Variants in SH3KBP1 observed in about 807,000 individuals in gnomAD.
SH3KBP1 encodes the protein SH3 domain containing kinase binding protein 1.
In SH3KBP1, 8 loss-of-function variants were observed where a neutral mutation model predicts 50.1. That is an observed-to-expected ratio of 0.16 (90% confidence interval 0.09 to 0.29). The LOEUF is 0.29. Ranked by LOEUF, SH3KBP1 falls within the 10% of genes least tolerant of loss-of-function variation. The probability of loss-of-function intolerance (pLI) is 1.00; values close to 1 mark genes in which losing one functional copy is unlikely to be tolerated. For synonymous variants in SH3KBP1, 227 were observed against 218.6 expected, an observed-to-expected ratio of 1.04 and a Z score of -0.34; for missense variants, 377 against 535.2, an observed-to-expected ratio of 0.70 and a Z score of 2.92.
At chrX:19,641,966 A>C (rs1006143391) in intron 7 of SH3KBP1, among the ~76,000 whole-genome samples, 2 of 110,824 alleles carry the variant, frequency 1.8e-5, no homozygotes, top group African/African-American at 3.3e-5. Context: ...TCAGCCTCCC[A>C]AGGAGCTGGG....
chrX:19,788,215 G>A (rs1305575207), intron 2 of SH3KBP1, among the ~76,000 whole-genome samples: 6 of 95,101 alleles, frequency 6.3e-5, no homozygotes, highest in Admixed American at 2.5e-4. Flanking sequence ...GCTGCAGTGA[G>A]CCATAATCGT....
chrX:19,570,422 C>T (rs1397365629), intron 12 of SH3KBP1, among the ~76,000 whole-genome samples: 1 of 111,697 alleles, frequency 9.0e-6, no homozygotes. Flanking sequence ...GGCCAAGTCC[C>T]CCGGGACCAA....
chrX:19,629,540 T>G (rs2061530839), intron 8 of SH3KBP1, among the ~76,000 whole-genome samples: 1 of 110,626 alleles, frequency 9.0e-6, no homozygotes, highest in Non-Finnish European at 1.9e-5. Flanking sequence ...GAAAGAAGGA[T>G]GGAGGAAGCC....
intron 2 of SH3KBP1, among the ~76,000 whole-genome samples, chrX:19,774,737 T>C (rs1479041112): frequency 9.0e-6 from 1 of 110,500 alleles, no homozygotes; most frequent in African/African-American, 3.3e-5. Flanking sequence ...TTCTAGTTTA[T>C]ACTGCCTTCC....
At chrX:19,640,538 C>G (rs1239762195) in intron 7 of SH3KBP1, among the ~76,000 whole-genome samples, 1 of 107,855 alleles carries the variant, frequency 9.3e-6, no homozygotes, top group African/African-American at 3.4e-5. Context: ...ATCCACACGT[C>G]CCCCGGTGTG....
At chrX:19,649,978 A>C (rs776102555) in intron 6 of SH3KBP1, among the ~76,000 whole-genome samples, 1 of 112,048 alleles carries the variant, frequency 8.9e-6, no homozygotes, top group African/African-American at 3.2e-5. Context: ...TGCAAACTCC[A>C]AGCTTCCAAT....
At chrX:19,572,311 T>C (rs1247415263) in intron 12 of SH3KBP1, among the ~76,000 whole-genome samples, 3 of 106,233 alleles carry the variant, frequency 2.8e-5, no homozygotes, top group African/African-American at 6.8e-5. Flanking sequence ...ATATAGTACA[T>C]ATGTTATATA....
At position 19,668,959 on chromosome X, in the gene SH3KBP1, TA is replaced by T. The variant is rs1569404850; in HGVS notation, c.726+14863del. ...TAATATATATATATATATATATATATATATATATATATATATTTTTTGAGAC... is the reference window on the plus strand; with the variant it reads ...TAATATATATATATATATATATATATTATATATATATATATTTTTTGAGAC... On this transcript the variant is annotated intron_variant, in intron 6 of 17. Coordinates refer to ENST00000397821, the MANE Select transcript of SH3KBP1 (RefSeq NM_031892.3). Among the ~76,000 whole-genome samples the T allele has an allele frequency of 8.7e-3, 681 of 78,700 alleles. 11 individuals carry two copies. Among genetic ancestry groups the T allele is most frequent in the African/African-American group, 0.015 (323 of 21,306 alleles). The allele number at this position is 78,700 out of a possible 115,157, so 68.3% of individuals were successfully genotyped here.
At chrX:19,877,860 T>G (rs2069299515) in intron 1 of SH3KBP1, among the ~76,000 whole-genome samples, 1 of 112,323 alleles carries the variant, frequency 8.9e-6, no homozygotes, top group African/African-American at 3.2e-5. Context: ...CTTGCCACTC[T>G]GTCACCCACA....
chrX:19,802,260 T>C (rs1437425810), intron 2 of SH3KBP1, among the ~76,000 whole-genome samples: 1 of 111,017 alleles, frequency 9.0e-6, no homozygotes, highest in Admixed American at 9.5e-5. Context: ...CCAGTTGTGG[T>C]GGCGCATGTC....
chrX:19,831,424 AAAAAAG>A (rs1166764369), intron 2 of SH3KBP1, among the ~76,000 whole-genome samples: 6 of 107,710 alleles, frequency 5.6e-5, no homozygotes, highest in Admixed American at 1.0e-4. Flanking sequence ...AAAAAAAAAA[AAAAAAG>A]AAAAGAAAAT....
intron 1 of SH3KBP1, among the ~76,000 whole-genome samples, chrX:19,844,937 G>A (rs184812572): frequency 6.4e-4 from 71 of 110,906 alleles, no homozygotes; most frequent in East Asian, 4.6e-3. Context: ...AAAATTAGCC[G>A]GGCGTGGTGG....
intron 2 of SH3KBP1, among the ~76,000 whole-genome samples, chrX:19,833,636 T>C (rs1376105660): frequency 9.2e-6 from 1 of 108,835 alleles, no homozygotes; most frequent in African/African-American, 3.4e-5. Context: ...CAGTCCTCCT[T>C]CCTTCCCAGG....
At chrX:19,583,743 C>T (rs2066455466) in intron 12 of SH3KBP1, among the ~76,000 whole-genome samples, 1 of 105,186 alleles carries the variant, frequency 9.5e-6, no homozygotes, top group Non-Finnish European at 1.9e-5. Flanking sequence ...AATATAATTA[C>T]TAATTATAGT....
In SH3KBP1 at chrX:19,548,190, ACCACATCC is replaced by A. The variant is rs1031114099; in HGVS notation, c.1494+1776_1494+1783del. ...AAGGCAGTGAAGATGATATATCCTC[ACCACATCC>A]CCCAAATACATACGAACTCTCAGGC... On this transcript the variant is annotated intron_variant, in intron 14 of 17. Transcript: ENST00000397821. Among the ~76,000 whole-genome samples, 4 of 112,116 alleles carry A rather than the reference ACCACATCC, an allele frequency of 3.6e-5. No homozygotes were observed. In the Admixed American group the frequency reaches 3.8e-4, roughly 11 times the overall value.
At chrX:19,818,335 T>C (rs1439923495) in intron 2 of SH3KBP1, among the ~76,000 whole-genome samples, 1 of 112,418 alleles carries the variant, frequency 8.9e-6, no homozygotes, top group Non-Finnish European at 1.9e-5. Flanking sequence ...GGTAAATTCT[T>C]GGGATGTTCT....
intron 7 of SH3KBP1, among the ~76,000 whole-genome samples, chrX:19,638,867 C>A (rs186667779): frequency 3.6e-5 from 4 of 112,076 alleles, no homozygotes. Flanking sequence ...TGCCAGGCAG[C>A]AGGGATGCCA....
At chrX:19,833,444 C>T (rs1237263222) in intron 2 of SH3KBP1, among the ~76,000 whole-genome samples, 1 of 108,084 alleles carries the variant, frequency 9.3e-6, no homozygotes, top group Non-Finnish European at 1.9e-5. Context: ...CCGCCCCTTC[C>T]CACAGTCCTC....
intron 6 of SH3KBP1, among the ~76,000 whole-genome samples, chrX:19,663,745 T>C (rs1276765094): frequency 8.9e-6 from 1 of 112,139 alleles, no homozygotes; most frequent in East Asian, 2.8e-4. Context: ...CTCTCATTAT[T>C]GGCTACTTCT....
Sources: gnomAD v4.1 joint callset for allele counts (sites outside exome capture counted in the v4.1 genomes callset) on GRCh38, gnomAD v4.1.1 for gene constraint, MANE v1.5 for transcripts, NCBI Gene and HGNC (gene_info 2026-07-23, HGNC 2026-07-21) for gene names.